Variants in UNC13C observed in about 807,000 individuals in gnomAD.
UNC13C encodes unc-13 homolog C, also known as protein unc-13 homolog C.
In UNC13C, 174 loss-of-function variants were observed where a neutral mutation model predicts 245.4. The ratio of observed to expected loss-of-function variants is 0.71; its 90% CI spans 0.63 to 0.80. The LOEUF is 0.80. Among genes scored for constraint, UNC13C ranks in the 30% least tolerant of loss-of-function variants. UNC13C has a pLI of 0.00. For synonymous variants in UNC13C, 992 were observed against 895.1 expected, an observed-to-expected ratio of 1.11 and a Z score of -1.93; for missense variants, 2,829 against 2,602.9, an observed-to-expected ratio of 1.09 and a Z score of -1.89.
chr15:54,527,914 G>T lies in UNC13C; in HGVS notation c.5546+2277G>T, dbSNP rs114847124. On this transcript the variant is annotated intron_variant, in intron 25 of 32. Transcript: ENST00000260323. Reference sequence around the variant, plus strand: ...CTACCAATCAGGTCTATATTATACTGTCAGGGTAGAAAAGTCTACAGTAAT... The same window carrying T: ...CTACCAATCAGGTCTATATTATACTTTCAGGGTAGAAAAGTCTACAGTAAT... Among the ~76,000 whole-genome samples the T allele has an allele frequency of 7.4e-3, 1,130 of 152,166 alleles. 16 individuals are homozygous for T. Among genetic ancestry groups the T allele is most frequent in the African/African-American group, 0.026 (1,078 of 41,490 alleles).
chr15:54,489,444 T>C (rs2141079022), intron 19 of UNC13C, among the ~76,000 whole-genome samples: 1 of 152,324 alleles, frequency 6.6e-6, no homozygotes, highest in Non-Finnish European at 1.5e-5. Flanking sequence ...AGAGTTACAC[T>C]GATACAGTTC....
chr15:54,314,233 C>T (rs1221454670), intron 13 of UNC13C, among the ~76,000 whole-genome samples: 1 of 151,570 alleles, frequency 6.6e-6, no homozygotes, highest in Non-Finnish European at 1.5e-5. Flanking sequence ...CATTTTACAA[C>T]ATGGTGACTA....
chr15:54,441,238 C>T (rs1318979960), intron 19 of UNC13C, among the ~76,000 whole-genome samples: 1 of 151,878 alleles, frequency 6.6e-6, no homozygotes, highest in Non-Finnish European at 1.5e-5. Context: ...GAAATCCTAG[C>T]CTAGACCAAT....
intron 29 of UNC13C, among the ~76,000 whole-genome samples, chr15:54,557,302 A>T (rs1897131780): frequency 6.6e-6 from 1 of 151,478 alleles, no homozygotes; most frequent in Admixed American, 6.6e-5. Flanking sequence ...TTCTCTAGGC[A>T]CCTCCATGCT....
At chr15:54,315,482 T>G (rs2037984846) in intron 13 of UNC13C, among the ~76,000 whole-genome samples, 1 of 151,704 alleles carries the variant, frequency 6.6e-6, no homozygotes, top group Non-Finnish European at 1.5e-5. Context: ...TTAGTCTCAA[T>G]TATAGAATTT....
At chr15:54,163,593 T>G (rs184330864) in intron 4 of UNC13C, among the ~76,000 whole-genome samples, 1 of 152,196 alleles carries the variant, frequency 6.6e-6, no homozygotes, top group East Asian at 1.9e-4. Flanking sequence ...AGGATGTTTG[T>G]TTTATAACTA....
intron 2 of UNC13C, among the ~76,000 whole-genome samples, chr15:54,018,025 C>T (rs190621876): frequency 1.1e-4 from 16 of 152,218 alleles, no homozygotes; most frequent in Non-Finnish European, 5.9e-5. Flanking sequence ...CAGGAAGCTG[C>T]GGTAGCCTAG....
the UNC13C span, among the ~76,000 whole-genome samples, chr15:53,874,892 G>A: frequency 4.6e-5 from 7 of 152,212 alleles, no homozygotes; most frequent in South Asian, 6.2e-4. Flanking sequence ...TCAGGAGTTC[G>A]AGAACATACA....
At chr15:53,871,595 T>C in the UNC13C span, among the ~76,000 whole-genome samples, 1 of 152,038 alleles carries the variant, frequency 6.6e-6, no homozygotes, top group African/African-American at 2.4e-5. Context: ...TGGCACAGAG[T>C]AGGTCTTTAG....
At chr15:54,189,429 A>C (rs1452877752) in intron 4 of UNC13C, among the ~76,000 whole-genome samples, 1 of 152,112 alleles carries the variant, frequency 6.6e-6, no homozygotes. Flanking sequence ...TCATGACACC[A>C]GTTGCCTGCT....
chr15:54,203,310 G>A lies in UNC13C; in HGVS notation c.3072-31720G>A, dbSNP rs1435829970. 4.0e-5 allele frequency among the ~76,000 whole-genome samples: 6 copies of A among 151,682 alleles called. 1 individual carries two copies. In the East Asian group the frequency reaches 1.2e-3, roughly 29 times the overall value. ...TAAAAGTAGATCTACTGTTGATCCAGCAATCCCACTACTAAGTGTCTATTC... is the reference window on the plus strand; with the variant it reads ...TAAAAGTAGATCTACTGTTGATCCAACAATCCCACTACTAAGTGTCTATTC... On this transcript the variant is annotated intron_variant, in intron 4 of 32. Transcript: ENST00000260323.
At chr15:53,983,556 T>C (rs1894009820) in intron 1 of UNC13C, among the ~76,000 whole-genome samples, 1 of 152,132 alleles carries the variant, frequency 6.6e-6, no homozygotes, top group Non-Finnish European at 1.5e-5. Context: ...CACAAAAACT[T>C]GCCACAGTAT....
At chr15:54,197,474 AAG>A (rs1162822927) in intron 4 of UNC13C, among the ~76,000 whole-genome samples, 2 of 152,068 alleles carry the variant, frequency 1.3e-5, no homozygotes, top group Non-Finnish European at 2.9e-5. Context: ...AAAAAAAAAA[AAG>A]AAAAATTAAT....
intron 4 of UNC13C, among the ~76,000 whole-genome samples, chr15:54,199,628 GACAA>G (rs1419413116): frequency 6.6e-6 from 1 of 152,062 alleles, no homozygotes; most frequent in Non-Finnish European, 1.5e-5. Flanking sequence ...GTCTCTTCCA[GACAA>G]ACAAATGCTG....
Position 54,561,684 on chromosome 15 carries a change from G to A in UNC13C, c.5959-6116G>A, listed in dbSNP as rs200940764. Among the ~76,000 whole-genome samples, 6 of 152,004 alleles carry A rather than the reference G, an allele frequency of 3.9e-5. No individual in the cohort carries two copies. The East Asian group carries it at 1.2e-3, about 29-fold the overall frequency. On this transcript the variant is annotated intron_variant, in intron 29 of 32. Coordinates refer to ENST00000260323, the MANE Select transcript of UNC13C (RefSeq NM_001080534.3). ...ATACAGAGGTCCTTTTGTGCCCTCA[G>A]TATATTTCATAAAAGAGGATTCATC...
At chr15:54,498,259 A>G (rs1256578274) in intron 20 of UNC13C, among the ~76,000 whole-genome samples, 1 of 152,120 alleles carries the variant, frequency 6.6e-6, no homozygotes, top group Non-Finnish European at 1.5e-5. Context: ...AACACATGGT[A>G]CATTTACCAA....
chr15:53,991,633 G>T lies in UNC13C; in HGVS notation c.-257+12706G>T, dbSNP rs182339101. Among the ~76,000 whole-genome samples, 839 of 152,038 alleles carry T rather than the reference G, an allele frequency of 5.5e-3. 4 individuals are homozygous for T. Among genetic ancestry groups the T allele is most frequent in the Non-Finnish European group, 7.8e-3 (532 of 67,954 alleles). On this transcript the variant is annotated intron_variant, in intron 1 of 32. Transcript: ENST00000260323. ...TTGTATAAATTAAACAATCTCTGTG[G>T]AGCAGTGTGCATCTTCTTGCCTCTA...
intron 4 of UNC13C, among the ~76,000 whole-genome samples, chr15:54,184,420 C>A (rs920724654): frequency 6.6e-6 from 1 of 151,998 alleles, no homozygotes; most frequent in Non-Finnish European, 1.5e-5. Context: ...CTCCCCGCTT[C>A]CCCCACCCCA....
intron 2 of UNC13C, among the ~76,000 whole-genome samples, chr15:54,075,356 G>A (rs921866876): frequency 1.3e-5 from 2 of 151,714 alleles, no homozygotes; most frequent in Non-Finnish European, 2.9e-5. Context: ...CTGGCGGCAG[G>A]TGCCTGTAGT....
Sources: allele counts gnomAD v4.1 joint callset (sites outside exome capture counted in the v4.1 genomes callset), GRCh38; gene constraint gnomAD v4.1.1; transcripts MANE v1.5; gene names NCBI Gene and HGNC (gene_info 2026-07-23, HGNC 2026-07-21).